FMNL2: variants seen among roughly 807,000 people sequenced by gnomAD.
FMNL2 encodes the protein formin-like protein 2.
A neutral mutation model predicts 130.2 loss-of-function variants in FMNL2; 51 were observed. The ratio of observed to expected loss-of-function variants is 0.39; its 90% CI spans 0.31 to 0.49. The LOEUF (loss-of-function observed/expected upper bound fraction) is 0.49, where lower values mean the gene tolerates loss of function less well. Ranked by LOEUF, FMNL2 falls within the 20% of genes least tolerant of loss-of-function variation. The pLI, the probability that FMNL2 is intolerant of heterozygous loss-of-function variation, is 0.85. For synonymous variants in FMNL2, 465 were observed against 467.1 expected (o/e 1.00, Z 0.06); for missense variants, 977 against 1,316.2 (o/e 0.74, Z 3.99).
intron 1 of FMNL2, among the ~76,000 whole-genome samples, chr2:152,381,002 C>G (rs532272288): frequency 5.9e-5 from 9 of 152,268 alleles, no homozygotes; most frequent in African/African-American, 2.2e-4. Flanking sequence ...CTAGGAATGG[C>G]TTTTGCTAGG....
At chr2:152,351,779 G>C (rs1010276005) in intron 1 of FMNL2, among the ~76,000 whole-genome samples, 6 of 152,156 alleles carry the variant, frequency 3.9e-5, no homozygotes, top group Non-Finnish European at 5.9e-5. Flanking sequence ...TCACCACACT[G>C]TCTTCCACAA....
At chr2:152,558,100 A>C (rs1173066095) in intron 4 of FMNL2, among the ~76,000 whole-genome samples, 1 of 152,236 alleles carries the variant, frequency 6.6e-6, no homozygotes, top group East Asian at 1.9e-4. Flanking sequence ...GTATTATTTA[A>C]AAATGAATTT....
chr2:152,645,466 A>T (rs1258388081), intron 25 of FMNL2: 1 of 1,290,008 alleles, frequency 7.8e-7, no homozygotes, highest in Non-Finnish European at 1.0e-6. Context: ...TAAATTTCCA[A>T]ATGTTCACTC....
intron 2 of FMNL2, among the ~76,000 whole-genome samples, chr2:152,532,358 C>A (rs956781802): frequency 6.6e-6 from 1 of 152,018 alleles, no homozygotes; most frequent in Non-Finnish European, 1.5e-5. Flanking sequence ...GTGGCTAGAC[C>A]ATTTTGCATT....
chr2:152,454,613 A>G (rs946745527), intron 1 of FMNL2, among the ~76,000 whole-genome samples: 6 of 152,142 alleles, frequency 3.9e-5, no homozygotes, highest in African/African-American at 1.4e-4. Flanking sequence ...AACTTTGTCT[A>G]TTTCTGCCAC....
intron 1 of FMNL2, among the ~76,000 whole-genome samples, chr2:152,336,916 C>G (rs1579418998): frequency 6.6e-6 from 1 of 152,288 alleles, no homozygotes; most frequent in South Asian, 2.1e-4. Flanking sequence ...AAACTTAGAA[C>G]TTTGGCAGAG....
intron 2 of FMNL2, among the ~76,000 whole-genome samples, chr2:152,538,766 A>G (rs1694146201): frequency 6.6e-6 from 1 of 152,196 alleles, no homozygotes; most frequent in Non-Finnish European, 1.5e-5. Flanking sequence ...CCTGTCTAAT[A>G]TCTAAAGGAA....
chr2:152,498,232 C>G (rs898222990), intron 1 of FMNL2, among the ~76,000 whole-genome samples: 1 of 152,034 alleles, frequency 6.6e-6, no homozygotes, highest in African/African-American at 2.4e-5. Flanking sequence ...TAAAATTCAC[C>G]TTTTACCATG....
intron 1 of FMNL2, among the ~76,000 whole-genome samples, chr2:152,471,126 C>G (rs1201725183): frequency 4.0e-5 from 6 of 150,248 alleles, no homozygotes; most frequent in African/African-American, 1.2e-4. Flanking sequence ...TTTGGAAGAT[C>G]TAATTTTCAA....
At chr2:152,362,999 G>A (rs1683266444) in intron 1 of FMNL2, among the ~76,000 whole-genome samples, 1 of 152,190 alleles carries the variant, frequency 6.6e-6, no homozygotes, top group African/African-American at 2.4e-5. Flanking sequence ...TATATAGAGG[G>A]AAAGTAGATT....
chr2:152,421,180 T>C (rs1686898644), intron 1 of FMNL2, among the ~76,000 whole-genome samples: 1 of 152,192 alleles, frequency 6.6e-6, no homozygotes, highest in Non-Finnish European at 1.5e-5. Flanking sequence ...TCTGTCAGTA[T>C]CTTTGGCTCT....
intron 15 of FMNL2, among the ~76,000 whole-genome samples, chr2:152,623,560 G>A (rs1330879527): frequency 6.6e-6 from 1 of 152,154 alleles, no homozygotes; most frequent in African/African-American, 2.4e-5. Flanking sequence ...GAGAGGCACT[G>A]TCTGTCTCAG....
At chr2:152,523,056 G>C (rs569703318) in intron 2 of FMNL2, among the ~76,000 whole-genome samples, 4 of 151,884 alleles carry the variant, frequency 2.6e-5, no homozygotes, top group Non-Finnish European at 4.4e-5. Context: ...TTTACTTCTT[G>C]GATACAAATA....
chr2:152,364,010 A>T (rs1335936748), intron 1 of FMNL2, among the ~76,000 whole-genome samples: 1 of 152,108 alleles, frequency 6.6e-6, no homozygotes, highest in Non-Finnish European at 1.5e-5. Flanking sequence ...AATTCATGGC[A>T]CTGAGTTTTG....
intron 1 of FMNL2, among the ~76,000 whole-genome samples, chr2:152,443,569 G>A (rs1475174471): frequency 2.6e-5 from 4 of 152,172 alleles, no homozygotes; most frequent in East Asian, 1.9e-4. Flanking sequence ...AGAGCTGGGC[G>A]TGGTGGCTCA....
At chr2:152,382,254 G>A (rs1684516911) in intron 1 of FMNL2, among the ~76,000 whole-genome samples, 1 of 152,168 alleles carries the variant, frequency 6.6e-6, no homozygotes, top group African/African-American at 2.4e-5. Flanking sequence ...CCATTTTTGT[G>A]CGGAAGTTTT....
At chr2:152,554,769 A>G (rs531763003) in intron 4 of FMNL2, among the ~76,000 whole-genome samples, 1 of 152,334 alleles carries the variant, frequency 6.6e-6, no homozygotes, top group East Asian at 1.9e-4. Flanking sequence ...TGTCTGCCAC[A>G]TACCCCAAAC....
rs544952966 is a variant in FMNL2 at position 152,453,806 on chromosome 2, G to T, written c.118-68137G>T. Among the ~76,000 whole-genome samples the T allele has an allele frequency of 1.6e-3, 245 of 152,276 alleles. 1 individual carries two copies. Among genetic ancestry groups the T allele is most frequent in the Non-Finnish European group, 1.7e-3 (116 of 68,024 alleles). On this transcript the variant is annotated intron_variant, in intron 1 of 25. Transcript: ENST00000288670. ...AGATTGTGTATAACAGAAAGCCAAG[G>T]CGTTAGAGCCTAATTGGAAACAATA...
intron 1 of FMNL2, among the ~76,000 whole-genome samples, chr2:152,375,877 C>CTCTCTATATA (rs796954245): frequency 7.4e-4 from 83 of 112,478 alleles, no homozygotes; most frequent in South Asian, 3.2e-3. Flanking sequence ...CTCTCTCTCT[C>CTCTCTATATA]TATATATATA....
Sources: gnomAD v4.1 joint callset for allele counts (sites outside exome capture counted in the v4.1 genomes callset) on GRCh38, gnomAD v4.1.1 for gene constraint, MANE v1.5 for transcripts, NCBI Gene and HGNC (gene_info 2026-07-23, HGNC 2026-07-21) for gene names.